The following ACOT11 variants were observed in gnomAD, a reference collection of about 807,000 sequenced individuals.
ACOT11 encodes acyl-coenzyme A thioesterase 11.
Under a neutral mutation model 77.5 loss-of-function variants are expected in ACOT11, and 69 were observed. The observed-to-expected ratio is 0.89, with a 90% CI of 0.73 to 1.09. The LOEUF is 1.09. ACOT11 is among the 50% of genes least tolerant of loss of function. The pLI is 0.00. For synonymous variants in ACOT11, 279 were observed against 313.0 expected (o/e 0.89, Z 1.15); for missense variants, 766 against 813.7 (o/e 0.94, Z 0.71).
chr1:54,613,240 G>A (rs1325627312), downstream of ACOT11, among the ~76,000 whole-genome samples: 7 of 151,936 alleles, frequency 4.6e-5, no homozygotes, highest in South Asian at 2.1e-4. Flanking sequence ...TTAGCTGAAC[G>A]TGGTGGCGCA....
At chr1:54,618,895 G>A (rs1279867468) in intron 15 of ACOT11, among the ~76,000 whole-genome samples, 5 of 152,146 alleles carry the variant, frequency 3.3e-5, no homozygotes, top group African/African-American at 4.8e-5. Context: ...AAATATCCCT[G>A]GTTAGGCATT....
intron 7 of ACOT11, chr1:54,598,667 C>T (rs1643916119): frequency 6.6e-6 from 1 of 151,944 alleles, no homozygotes; most frequent in Non-Finnish European, 1.5e-5. Flanking sequence ...AAGGTAAAAC[C>T]TCATCTCTAC....
intron 9 of ACOT11, among the ~76,000 whole-genome samples, 154 bp downstream of exon 9, chr1:54,601,567 G>A (rs925615534): frequency 2.0e-5 from 3 of 152,340 alleles, no homozygotes; most frequent in South Asian, 2.1e-4. Context: ...TGTCCTGGCT[G>A]TGAGCCCTGG....
chr1:54,580,900 T>C lies in ACOT11; in HGVS notation c.34-3755T>C, dbSNP rs140601119. Among the ~76,000 whole-genome samples the C allele has an allele frequency of 3.7e-3, 558 of 152,236 alleles. 3 individuals are homozygous for C. The highest frequency in any genetic ancestry group is 6.8e-3 in the Middle Eastern group (2 of 294). ...ATTCTAGGTGGAAGTGGCACCTTCA[T>C]GTTGGGGGAAGACAGCGGGAGTGAG... On this transcript the variant is annotated intron_variant, in intron 1 of 15. Coordinates refer to ENST00000343744, the MANE Select transcript of ACOT11 (RefSeq NM_147161.4).
rs111249827 is a variant in ACOT11, at chr1:54,563,360, C to T, written c.33+15018C>T. ...GAGAAAAGCGAAATCTCAGCTCCAT[C>T]GCTCACCGGCAGAGTGCCATTAGAC... On this transcript the variant is annotated intron_variant, in intron 1 of 15. Transcript: ENST00000343744. 8.4e-3 allele frequency among the ~76,000 whole-genome samples: 1,283 copies of T among 152,298 alleles called. 8 individuals are homozygous for T. Among genetic ancestry groups the T allele is most frequent in the Non-Finnish European group, 0.013 (907 of 68,024 alleles).
At chr1:54,613,320 G>A (rs2101017056), downstream of ACOT11, among the ~76,000 whole-genome samples, 1 of 152,118 alleles carries the variant, frequency 6.6e-6, no homozygotes, top group South Asian at 2.1e-4. Flanking sequence ...CGGAGGTTGT[G>A]GTGAGCTGAG....
At chr1:54,575,845 G>A (rs1569688797) in intron 1 of ACOT11, among the ~76,000 whole-genome samples, 1 of 152,256 alleles carries the variant, frequency 6.6e-6, no homozygotes, top group African/African-American at 2.4e-5. Flanking sequence ...CAAAGGCCCA[G>A]TGCTGGGAGA....
intron 15 of ACOT11, among the ~76,000 whole-genome samples, chr1:54,615,582 T>A (rs1237973119): frequency 6.7e-6 from 1 of 149,902 alleles, no homozygotes; most frequent in Non-Finnish European, 1.5e-5. Flanking sequence ...GGGTTAGGGG[T>A]TAGGATTGGT....
chr1:54,619,842 C>T (rs1427033866), intron 15 of ACOT11: 9 of 1,612,332 alleles, frequency 5.6e-6, no homozygotes, highest in Admixed American at 1.7e-5. Flanking sequence ...TGGCCTGCCT[C>T]AGTCTTGGCA....
Position 54,599,371 on chromosome 1 carries a change from C to T in ACOT11, c.840C>T (p.Asp280=). Residue 280 remains aspartate, a synonymous_variant, in exon 8 of 16, where the codon GAC becomes GAT. Transcript: ENST00000343744. Reference sequence around the variant, plus strand: ...TCCGAGGCCCGTCCCAGGTCGGCGACCGTCTGGTGCTCAAAGCCATCGTGA... The same window carrying T: ...TCCGAGGCCCGTCCCAGGTCGGCGATCGTCTGGTGCTCAAAGCCATCGTGA... ...FHFRGPSQVG[D]RLVLKAIVNN... The T allele has an allele frequency of 6.2e-7, 1 of 1,608,308 alleles. No homozygotes were observed. Among genetic ancestry groups the T allele is most frequent in the Non-Finnish European group, 8.5e-7 (1 of 1,177,508 alleles).
intron 9 of ACOT11, among the ~76,000 whole-genome samples, chr1:54,601,983 C>T (rs919470310): frequency 2.6e-5 from 4 of 152,238 alleles, no homozygotes; most frequent in Non-Finnish European, 4.4e-5. Context: ...TTGGAGAGGC[C>T]GCTCCCTCCC....
At position 54,552,798 on chromosome 1, in the gene ACOT11, T is replaced by G. The variant is rs112410634; in HGVS notation, c.33+4456T>G. On this transcript the variant is annotated intron_variant, in intron 1 of 15. Coordinates refer to ENST00000343744, the MANE Select transcript of ACOT11 (RefSeq NM_147161.4). ...CACCATGCCCGGCCCACTCTTAGTG[T>G]TGTTGTTGTTGTTGTTGTTTGTTTT... is the stretch of plus-strand genomic sequence containing the variant. Among the ~76,000 whole-genome samples the G allele has an allele frequency of 1.7e-4, 25 of 146,324 alleles. 1 individual carries two copies. Among genetic ancestry groups the G allele is most frequent in the African/African-American group, 3.4e-4 (13 of 38,418 alleles).
In ACOT11 at chr1:54,608,073, G is replaced by C; in HGVS notation, c.1629+5G>C. ...GAGGGGGACCAGCTGACCAAGGTGA[G>C]GCCGGTCCCCCCAACCACGCCCCCA... is the stretch of plus-strand genomic sequence containing the variant. On this transcript the variant is annotated splice_donor_5th_base_variant and intron_variant, in intron 15 of 15. Coordinates refer to ENST00000343744, the MANE Select transcript of ACOT11 (RefSeq NM_147161.4). The C allele has an allele frequency of 6.2e-7, 1 of 1,607,816 alleles. No individual in the cohort carries two copies. Among genetic ancestry groups the C allele is most frequent in the East Asian group, 2.2e-5 (1 of 44,640 alleles).
rs183134855 is a variant in ACOT11, at chr1:54,631,926, T to C, written c.1782+1040T>C. 8.5e-4 allele frequency among the ~76,000 whole-genome samples: 130 copies of C among 152,290 alleles called. 2 individuals are homozygous for C. Among genetic ancestry groups the C allele is most frequent in the Non-Finnish European group, 1.1e-3 (75 of 68,032 alleles). On this transcript the variant is annotated intron_variant, in intron 16 of 16. Transcript: ENST00000371316. Reference sequence around the variant, plus strand: ...TAGTTTATTATATCAAAGCCTATGATGGTATCGGAGGTAATCTGCGTAAAG... The same window carrying C: ...TAGTTTATTATATCAAAGCCTATGACGGTATCGGAGGTAATCTGCGTAAAG...
chr1:54,610,529 A>C (rs761290664), downstream of ACOT11: 1 of 1,613,034 alleles, frequency 6.2e-7, no homozygotes, highest in Non-Finnish European at 8.5e-7. Flanking sequence ...CCTCCCGTGT[A>C]GTACATTGGT....
At chr1:54,612,724 A>G (rs1301001830), downstream of ACOT11, 1 of 1,607,068 alleles carries the variant, frequency 6.2e-7, no homozygotes. Context: ...CAAAAAAATC[A>G]GAGATGTTGG....
chr1:54,623,870 C>T (rs1228190322), intron 15 of ACOT11, among the ~76,000 whole-genome samples: 1 of 152,232 alleles, frequency 6.6e-6, no homozygotes, highest in Non-Finnish European at 1.5e-5. Flanking sequence ...CCCTTTCTAA[C>T]TCCAGGCTTT....
At chr1:54,550,822 C>CAAAACA (rs1190212896) in intron 1 of ACOT11, among the ~76,000 whole-genome samples, 3 of 151,408 alleles carry the variant, frequency 2.0e-5, no homozygotes, top group African/African-American at 7.3e-5. Flanking sequence ...GATCCTGTCT[C>CAAAACA]AAAACAAAAA....
At chr1:54,613,378 CAAAAA>C (rs544534443), downstream of ACOT11, among the ~76,000 whole-genome samples, 2 of 142,680 alleles carry the variant, frequency 1.4e-5, no homozygotes, top group Non-Finnish European at 3.1e-5. Context: ...GACTCCATCT[CAAAAA>C]AAAAAAACTT....
Sources: gnomAD v4.1 joint callset for allele counts (sites outside exome capture counted in the v4.1 genomes callset) on GRCh38, gnomAD v4.1.1 for gene constraint, MANE v1.5 for transcripts, NCBI Gene and HGNC (gene_info 2026-07-23, HGNC 2026-07-21) for gene names.